MELTF: variants seen among roughly 807,000 people sequenced by gnomAD.
MELTF encodes melanotransferrin.
In MELTF, 67 loss-of-function variants were observed where a neutral mutation model predicts 83.7. The ratio of observed to expected loss-of-function variants is 0.80; its 90% CI spans 0.66 to 0.98. The LOEUF (loss-of-function observed/expected upper bound fraction) is 0.98. Among genes scored for constraint, MELTF ranks in the 50% least tolerant of loss-of-function variants. MELTF has a pLI of 0.00. For missense variants in MELTF, 1,002 were observed against 1,035.6 expected (o/e 0.97, Z 0.44); for synonymous variants, 462 against 447.6 (o/e 1.03, Z -0.41).
intron 4 of MELTF, 40 bp from the exon 5 acceptor site, chr3:197,023,153 C>A (rs754204345): frequency 6.2e-7 from 1 of 1,609,504 alleles, no homozygotes; most frequent in Admixed American, 1.7e-5. Context: ...GCAGAACTTT[C>A]TTCAGAGCCA....
Position 197,024,723 on chromosome 3 carries a change from T to C in MELTF, c.305-238A>G, listed in dbSNP as rs1719783874. Among the ~76,000 whole-genome samples, 2 of 152,202 alleles carry C rather than the reference T, an allele frequency of 1.3e-5. No homozygotes were observed. Among genetic ancestry groups the C allele is most frequent in the African/African-American group, 2.4e-5 (1 of 41,442 alleles). On this transcript the variant is annotated intron_variant, in intron 3 of 15. Transcript: ENST00000296350. The surrounding 1 kb of genome is among the most constrained non-coding windows in gnomAD (Gnocchi z 5.3). Reference sequence around the variant, plus strand: ...CGATCCTGAGATATTGATGTATTCATTGATTTCCCCCTCTTCCTTCCCCAG... The same window carrying C: ...CGATCCTGAGATATTGATGTATTCACTGATTTCCCCCTCTTCCTTCCCCAG...
rs1560212562 is a variant in MELTF at position 197,009,689 on chromosome 3, CCTGCAGGG to C, written c.1446_1453del (p.Ser482ArgfsTer21). Reference sequence around the variant, plus strand: ...AAGGGCACCCACGGGGACATCCCAGCCTGCAGGGCTGCCGAAACCGGCGTGGCAGGAGC... The same window carrying C: ...AAGGGCACCCACGGGGACATCCCAGCCTGCCGAAACCGGCGTGGCAGGAGC... On this transcript the variant is annotated frameshift_variant, in exon 11 of 16. Coordinates refer to ENST00000296350, the MANE Select transcript of MELTF (RefSeq NM_005929.6). LOFTEE classifies it high-confidence loss of function. 1 of 1,613,820 alleles carries C rather than the reference CCTGCAGGG, an allele frequency of 6.2e-7. No homozygotes were observed. The highest frequency in any genetic ancestry group is 8.5e-7 in the Non-Finnish European group (1 of 1,180,036).
rs199938814 is a variant in MELTF at position 197,017,674 on chromosome 3, A to C, written c.713-384T>G. 2.7e-3 allele frequency among the ~76,000 whole-genome samples: 412 copies of C among 152,122 alleles called. 2 individuals carry two copies. Among genetic ancestry groups the C allele is most frequent in the African/African-American group, 8.2e-3 (341 of 41,512 alleles). Reference sequence around the variant, plus strand: ...GGGCGGATCACGAGGTCAGGAGATCAAGACCATCCTGGCTAACACGGTGAA... The same window carrying C: ...GGGCGGATCACGAGGTCAGGAGATCCAGACCATCCTGGCTAACACGGTGAA... On this transcript the variant is annotated intron_variant, in intron 6 of 15. Transcript: ENST00000296350.
chr3:197,019,210 TC>T lies in MELTF; in HGVS notation c.713-1921del, dbSNP rs1180435792. 3.0e-6 allele frequency: 3 copies of T among 1,003,022 alleles called. No homozygotes were observed. The African/African-American group carries it at 5.2e-5, about 17-fold the overall frequency. 62.1% of individuals were successfully genotyped at this position (1,003,022 alleles called of 1,614,324 possible). Reference sequence around the variant, plus strand: ...CCCCGCTTCCCAACTTTCCTGTTTTTCGGCGGCTGCAAAACCTTTGGTTAGA... The same window carrying T: ...CCCCGCTTCCCAACTTTCCTGTTTTTGGCGGCTGCAAAACCTTTGGTTAGA... On this transcript the variant is annotated intron_variant, in intron 6 of 15. Coordinates refer to ENST00000296350, the MANE Select transcript of MELTF (RefSeq NM_005929.6).
At chr3:197,014,592 G>A (rs1199250457) in intron 9 of MELTF, among the ~76,000 whole-genome samples, 1 of 152,028 alleles carries the variant, frequency 6.6e-6, no homozygotes, top group Non-Finnish European at 1.5e-5. Flanking sequence ...GTTTCACCAT[G>A]TTGGCCAGGC....
rs1441968517 is a variant in MELTF, at chr3:197,019,549, G to A, written c.712+1855C>T. ...GGCTGGGGGTTTGAGACCAGCCTGG[G>A]CAACATGGTGAGACCCCCATCTCAA... On this transcript the variant is annotated intron_variant, in intron 6 of 15. Coordinates refer to ENST00000296350, the MANE Select transcript of MELTF (RefSeq NM_005929.6). 3.2e-6 allele frequency: 5 copies of A among 1,558,832 alleles called. No homozygotes were observed. In the African/African-American group the frequency reaches 4.1e-5, roughly 13 times the overall value.
Position 197,027,737 on chromosome 3 carries a change from TGGAA to T in MELTF, c.204+15_204+18del. 1.3e-6 allele frequency: 2 copies of T among 1,591,526 alleles called. No individual in the cohort carries two copies. Among genetic ancestry groups the T allele is most frequent in the South Asian group, 1.1e-5 (1 of 89,626 alleles). On this transcript the variant is annotated intron_variant, in intron 2 of 15. Coordinates refer to ENST00000296350, the MANE Select transcript of MELTF (RefSeq NM_005929.6). ...GTCACAGCCCTCTTGTCTGGCAGGGTGGAAGGGAGAGGACTCACCGCGATGAGCT... is the reference window on the plus strand; with the variant it reads ...GTCACAGCCCTCTTGTCTGGCAGGGTGGGAGAGGACTCACCGCGATGAGCT...
rs1411697096 is a variant in MELTF at position 197,023,059 on chromosome 3, T to TA, written c.541dup (p.Tyr181LeufsTer3). On this transcript the variant is annotated frameshift_variant, in exon 5 of 16. Transcript: ENST00000296350. LOFTEE classifies it high-confidence loss of function. ...GCAGAGGCGACAGAGGGACTCAGAG[T>TA]AACTGGTCTCTCCTGCCCCCGGGAC... is the stretch of plus-strand genomic sequence containing the variant. 1 of 1,613,456 alleles carries TA rather than the reference T, an allele frequency of 6.2e-7. No homozygotes were observed. The highest frequency in any genetic ancestry group is 8.5e-7 in the Non-Finnish European group (1 of 1,179,950).
rs772737414 is a variant in MELTF at position 197,009,569 on chromosome 3, A to G, written c.1525+49T>C. On this transcript the variant is annotated intron_variant, in intron 11 of 15. Coordinates refer to ENST00000296350, the MANE Select transcript of MELTF (RefSeq NM_005929.6). ...CCAACAGGCTGCGGGTCCCTAGCTA[A>G]CCCCAGAGAAGGCTTCCCCAGTCTG... is the stretch of plus-strand genomic sequence containing the variant. 5 of 1,556,550 alleles carry G rather than the reference A, an allele frequency of 3.2e-6. No individual in the cohort carries two copies. In the Admixed American group the frequency reaches 5.4e-5, roughly 17 times the overall value.
At chr3:197,014,382 A>ATTTTTTT in intron 9 of MELTF, among the ~76,000 whole-genome samples, 1 of 98,390 alleles carries the variant, frequency 1.0e-5, no homozygotes, top group African/African-American at 4.5e-5. Context: ...GAATAGGGAG[A>ATTTTTTT]GTTTTTTTTT....
chr3:197,010,811 A>C lies in MELTF; in HGVS notation c.1234-17T>G. The C allele has an allele frequency of 6.2e-7, 1 of 1,612,196 alleles. No homozygotes were observed. Among genetic ancestry groups the C allele is most frequent in the Non-Finnish European group, 8.5e-7 (1 of 1,179,248 alleles). ...CTGCTCAGCCTGAAGGGAATAGAAGAAGCCACTGGGCCGGGGTGGGCCCAG... is the reference window on the plus strand; with the variant it reads ...CTGCTCAGCCTGAAGGGAATAGAAGCAGCCACTGGGCCGGGGTGGGCCCAG... On this transcript the variant is annotated splice_polypyrimidine_tract_variant and intron_variant, in intron 9 of 15. Transcript: ENST00000296350.
rs557305037 is a variant in MELTF, at chr3:197,007,784, T to C, written c.1750+873A>G. ...AGGCAAGATCCAAGTTTTGAAACAC[T>C]AACTGAGGTTTTCGTTTTTTTCCCT... On this transcript the variant is annotated intron_variant, in intron 13 of 15. Coordinates refer to ENST00000296350, the MANE Select transcript of MELTF (RefSeq NM_005929.6). The surrounding 1 kb of genome is among the most constrained non-coding windows in gnomAD (Gnocchi z 4.3). 6.6e-6 allele frequency among the ~76,000 whole-genome samples: 1 copy of C among 152,308 alleles called. No individual in the cohort carries two copies. Among genetic ancestry groups the C allele is most frequent in the African/African-American group, 2.4e-5 (1 of 41,568 alleles).
intron 14 of MELTF, 56 bp from the exon 15 acceptor site, chr3:197,004,155 C>A: frequency 6.6e-7 from 1 of 1,523,870 alleles, no homozygotes; most frequent in South Asian, 1.1e-5. Context: ...CAGGGTCACC[C>A]GCCCAGTGCC....
chr3:197,009,864 A>G (rs2108959518), intron 10 of MELTF, 52 bp from the exon 11 acceptor site: 7 of 1,526,774 alleles, frequency 4.6e-6, no homozygotes, highest in South Asian at 1.1e-5. Context: ...AGCCCGGGCA[A>G]GTGCCTGGGG....
chr3:197,028,186 G>A (rs908594596), intron 1 of MELTF: 3 of 412,666 alleles, frequency 7.3e-6, no homozygotes, highest in East Asian at 3.6e-5. Flanking sequence ...TCTACAGGTC[G>A]CTTCTCAGCT....
In MELTF at chr3:197,008,234, G is replaced by A. The variant is rs1175489094; in HGVS notation, c.1750+423C>T. Among the ~76,000 whole-genome samples the A allele has an allele frequency of 6.6e-6, 1 of 152,174 alleles. No homozygotes were observed. On this transcript the variant is annotated intron_variant, in intron 13 of 15. Transcript: ENST00000296350. The surrounding 1 kb of genome is among the most constrained non-coding windows in gnomAD (Gnocchi z 5.4). ...GCCTCGGTGTGGCTTGGGGGCTGCA[G>A]AGAGATTTCCTTGCATGAGGCAGTG...
At chr3:197,016,854 A>T (rs1315213299) in intron 7 of MELTF, among the ~76,000 whole-genome samples, 1 of 152,208 alleles carries the variant, frequency 6.6e-6, no homozygotes, top group Non-Finnish European at 1.5e-5. Flanking sequence ...CAGAGACACA[A>T]GTCTCAGGAG....
chr3:197,006,499 G>T lies in MELTF; in HGVS notation c.1938+50C>A. 1 of 1,556,328 alleles carries T rather than the reference G, an allele frequency of 6.4e-7. No individual in the cohort carries two copies. Among genetic ancestry groups the T allele is most frequent in the Middle Eastern group, 2.1e-4 (1 of 4,716 alleles). ...TAGACTGAGGCCTCCCAGGGGCTCA[G>T]CTTACCTCTGCTGCACACCCCTCAA... On this transcript the variant is annotated intron_variant, in intron 14 of 15. Transcript: ENST00000296350. This position sits in a 1 kb window ranked among gnomAD's most constrained non-coding sequence, Gnocchi z 5.4.
At chr3:197,025,206 C>T (rs1239198281) in intron 3 of MELTF, among the ~76,000 whole-genome samples, 3 of 152,246 alleles carry the variant, frequency 2.0e-5, no homozygotes, top group Admixed American at 6.5e-5. Flanking sequence ...GGCGCACACA[C>T]GCAGGCATGC....
Sources: allele counts gnomAD v4.1 joint callset (sites outside exome capture counted in the v4.1 genomes callset), GRCh38; gene constraint gnomAD v4.1.1; non-coding constraint Gnocchi (gnomAD v3.1); transcripts MANE v1.5; gene names NCBI Gene and HGNC (gene_info 2026-07-23, HGNC 2026-07-21).